ACTR3B: variants seen among roughly 807,000 people sequenced by gnomAD.
ACTR3B encodes the protein actin related protein 3B.
ACTR3B carries 8 observed loss-of-function variants against 59.0 expected under a neutral mutation model. The observed-to-expected ratio is 0.14, with a 90% CI of 0.08 to 0.24. The LOEUF (loss-of-function observed/expected upper bound fraction) is 0.24. ACTR3B is among the 10% of genes least tolerant of loss of function. The pLI, the probability that ACTR3B is intolerant of heterozygous loss-of-function variation, is 1.00. For synonymous variants in ACTR3B, 148 were observed against 197.9 expected (o/e 0.75, Z 2.12); for missense variants, 245 against 552.3 (o/e 0.44, Z 5.58).
At chr7:152,785,514 G>A (rs1438226473) in intron 2 of ACTR3B, among the ~76,000 whole-genome samples, 1 of 127,036 alleles carries the variant, frequency 7.9e-6, no homozygotes, top group African/African-American at 3.2e-5. Flanking sequence ...AGAGAGAGGA[G>A]AGAGAAGAGA....
chr7:152,821,209 T>C (rs565883399), intron 7 of ACTR3B, among the ~76,000 whole-genome samples: 2 of 152,300 alleles, frequency 1.3e-5, no homozygotes, highest in South Asian at 2.1e-4. Flanking sequence ...TCATTAGATA[T>C]TCTTTTTTAG....
At chr7:152,765,372 C>T (rs879092598) in intron 1 of ACTR3B, among the ~76,000 whole-genome samples, 1 of 150,904 alleles carries the variant, frequency 6.6e-6, no homozygotes, top group Admixed American at 6.6e-5. Flanking sequence ...CTGCCTGGGC[C>T]TCCCAAAGTG....
intron 9 of ACTR3B, among the ~76,000 whole-genome samples, chr7:152,850,889 A>G (rs905806291): frequency 2.0e-5 from 3 of 152,222 alleles, no homozygotes; most frequent in Non-Finnish European, 4.4e-5. Flanking sequence ...GTAGTTGCTC[A>G]GGAACTCGGG....
chr7:152,787,533 T>C (rs1262910002), intron 2 of ACTR3B, among the ~76,000 whole-genome samples: 1 of 152,002 alleles, frequency 6.6e-6, no homozygotes, highest in East Asian at 1.9e-4. Flanking sequence ...ATAAAGACTT[T>C]CTATATTTTT....
chr7:152,830,619 G>A (rs1317114588), intron 9 of ACTR3B, among the ~76,000 whole-genome samples: 2 of 152,196 alleles, frequency 1.3e-5, no homozygotes, highest in African/African-American at 2.4e-5. Context: ...TGTGATCACA[G>A]CTCACTGCAG....
At position 152,854,362 on chromosome 7, in the gene ACTR3B, GCCGGGAT is replaced by G. The variant is rs1157620183; in HGVS notation, c.1162-95_1162-89del. On this transcript the variant is annotated intron_variant, in intron 11 of 11. Transcript: ENST00000256001. This position sits in a 1 kb window ranked among gnomAD's most constrained non-coding sequence, Gnocchi z 4.9. ...AGCGGTCCTGGGAGGGAGGGTGGAG[GCCGGGAT>G]GAGGAGAGTGTCTTGCCTGCTTGGT... 2 of 1,100,146 alleles carry G rather than the reference GCCGGGAT, an allele frequency of 1.8e-6. No individual in the cohort carries two copies. The highest frequency in any genetic ancestry group is 3.5e-5 in the Admixed American group (2 of 57,048). 68.1% of individuals were successfully genotyped at this position (1,100,146 alleles called of 1,614,324 possible). A position where few individuals can be genotyped will look rare whatever the true frequency, so the allele number is the denominator to read the frequency against.
At chr7:152,848,832 C>T (rs1453500231) in intron 9 of ACTR3B, among the ~76,000 whole-genome samples, 1 of 152,102 alleles carries the variant, frequency 6.6e-6, no homozygotes, top group Non-Finnish European at 1.5e-5. Context: ...CCAGCTGCCA[C>T]CCCCCCGTAG....
intron 2 of ACTR3B, among the ~76,000 whole-genome samples, chr7:152,790,846 T>G (rs2098193195): frequency 6.6e-6 from 1 of 152,156 alleles, no homozygotes. Context: ...ATCTGTGTCT[T>G]AAGTCCTTAG....
intron 9 of ACTR3B, among the ~76,000 whole-genome samples, chr7:152,833,737 T>C (rs190501935): frequency 0.029 from 4,461 of 152,294 alleles, 96 homozygotes; most frequent in Middle Eastern, 0.099. Context: ...TTTCAGGAGA[T>C]GAATGGGTTA....
At chr7:152,823,654 T>C in intron 8 of ACTR3B, 139 bp downstream of exon 8, 1 of 1,093,804 alleles carries the variant, frequency 9.1e-7, no homozygotes, top group South Asian at 1.5e-5. Context: ...CCTGTGCAGT[T>C]TGTCTGCTTG....
intron 1 of ACTR3B, among the ~76,000 whole-genome samples, chr7:152,782,765 G>T (rs1360976540): frequency 6.6e-6 from 1 of 151,784 alleles, no homozygotes; most frequent in Non-Finnish European, 1.5e-5. Context: ...ATGTAGATGG[G>T]AGTTCTTTTT....
chr7:152,772,072 A>G (rs553196603), intron 1 of ACTR3B, among the ~76,000 whole-genome samples: 1 of 152,192 alleles, frequency 6.6e-6, no homozygotes, highest in Non-Finnish European at 1.5e-5. Context: ...TCTCAAAAAC[A>G]AAACAAAACA....
intron 1 of ACTR3B, among the ~76,000 whole-genome samples, chr7:152,777,562 C>CT (rs1203345163): frequency 6.6e-6 from 1 of 152,188 alleles, no homozygotes; most frequent in Non-Finnish European, 1.5e-5. Context: ...TGATTTCTGT[C>CT]TATTCATTTA....
chr7:152,823,281 C>G, intron 7 of ACTR3B, 61 bp from the exon 8 acceptor site: 1 of 1,588,858 alleles, frequency 6.3e-7, no homozygotes, highest in Non-Finnish European at 8.6e-7. Context: ...GGTTATTTGT[C>G]TGAGGGCAGA....
At chr7:152,766,247 A>G (rs538506572) in intron 1 of ACTR3B, among the ~76,000 whole-genome samples, 60 of 152,360 alleles carry the variant, frequency 3.9e-4, no homozygotes, top group African/African-American at 1.4e-3. Context: ...GCAGCCGTGC[A>G]GGATGCAGTT....
intron 9 of ACTR3B, among the ~76,000 whole-genome samples, chr7:152,842,752 ACT>A (rs2116965322): frequency 6.6e-6 from 1 of 152,328 alleles, no homozygotes; most frequent in South Asian, 2.1e-4. Context: ...TTGGAAATGT[ACT>A]GAGTGTCTGC....
intron 1 of ACTR3B, among the ~76,000 whole-genome samples, chr7:152,764,252 C>A (rs1227277346): frequency 6.6e-6 from 1 of 152,022 alleles, no homozygotes; most frequent in African/African-American, 2.4e-5. Context: ...GGTGATCTGC[C>A]CACCTCTGCC....
intron 4 of ACTR3B, among the ~76,000 whole-genome samples, chr7:152,802,906 G>A (rs766691834): frequency 2.0e-5 from 3 of 152,174 alleles, no homozygotes; most frequent in East Asian, 1.9e-4. Context: ...TGTATTTAAT[G>A]TATATTAAAG....
chr7:152,847,930 G>T (rs1055648588), intron 9 of ACTR3B, among the ~76,000 whole-genome samples: 3 of 152,130 alleles, frequency 2.0e-5, no homozygotes, highest in African/African-American at 7.2e-5. Context: ...CTAATGGCTC[G>T]CGGTGCAAGT....
Sources: allele counts gnomAD v4.1 joint callset (sites outside exome capture counted in the v4.1 genomes callset), GRCh38; gene constraint gnomAD v4.1.1; non-coding constraint Gnocchi (gnomAD v3.1); transcripts MANE v1.5; gene names NCBI Gene and HGNC (gene_info 2026-07-23, HGNC 2026-07-21).